The following IGHMBP2 variants were observed in gnomAD, a reference collection of about 807,000 sequenced individuals.
The protein encoded by IGHMBP2 is DNA-binding protein SMUBP-2.
A neutral mutation model predicts 96.0 loss-of-function variants in IGHMBP2; 81 were observed. That is an observed-to-expected ratio of 0.84 (90% CI 0.71 to 1.01). The LOEUF (loss-of-function observed/expected upper bound fraction) is 1.01, where lower values mean the gene tolerates loss of function less well. Ranked by LOEUF, IGHMBP2 falls within the 50% of genes least tolerant of loss-of-function variation. The pLI, the probability that IGHMBP2 is intolerant of heterozygous loss-of-function variation, is 0.00. For missense variants in IGHMBP2, 1,227 were observed against 1,306.3 expected (o/e 0.94, Z 0.94); for synonymous variants, 557 against 548.9 (o/e 1.01, Z -0.21).
intron 6 of IGHMBP2, among the ~76,000 whole-genome samples, chr11:68,915,489 G>GTT (rs896017029): frequency 2.8e-5 from 4 of 142,538 alleles, no homozygotes; most frequent in African/African-American, 2.6e-5. Flanking sequence ...CTTTGTTTTT[G>GTT]TTTTTTTTTT....
At chr11:68,936,099 G>A (rs915602370) in intron 12 of IGHMBP2, 138 bp from the exon 13 acceptor site, 25 of 951,306 alleles carry the variant, frequency 2.6e-5, no homozygotes, top group African/African-American at 4.8e-5. Flanking sequence ...GGTGCCACGC[G>A]TGGCCGGGCA....
At chr11:68,924,773 G>C (rs1859002065) in intron 7 of IGHMBP2, among the ~76,000 whole-genome samples, 1 of 152,166 alleles carries the variant, frequency 6.6e-6, no homozygotes, top group Non-Finnish European at 1.5e-5. Flanking sequence ...CAAGTCTCAG[G>C]CCCCACCCAC....
chr11:68,926,774 T>TATTG (rs1236345738), intron 7 of IGHMBP2, among the ~76,000 whole-genome samples: 2 of 152,276 alleles, frequency 1.3e-5, no homozygotes, highest in African/African-American at 4.8e-5. Context: ...TTTATTTATT[T>TATTG]AATTTTTTGG....
At chr11:68,909,599 T>C (rs1199626342) in intron 4 of IGHMBP2, among the ~76,000 whole-genome samples, 2 of 152,176 alleles carry the variant, frequency 1.3e-5, no homozygotes, top group Non-Finnish European at 2.9e-5. Flanking sequence ...TCATACTTTA[T>C]GCTTGATAGC....
chr11:68,937,820 G>C (rs1023441773), intron 13 of IGHMBP2: 1 of 275,810 alleles, frequency 3.6e-6, no homozygotes, highest in African/African-American at 2.2e-5. Flanking sequence ...CAGAGCCTGG[G>C]GCTCCAGAGG....
Position 68,929,340 on chromosome 11 carries a change from C to G in IGHMBP2, c.1218C>G (p.Pro406=), listed in dbSNP as rs1476873060. 6.2e-7 allele frequency: 1 copy of G among 1,613,430 alleles called. No individual in the cohort carries two copies. Residue 406 remains proline (P), a synonymous_variant, in exon 8 of 15, where the codon CCC becomes CCG. Coordinates refer to ENST00000255078, the MANE Select transcript of IGHMBP2 (RefSeq NM_002180.3). ...CGGGCGATCACAAGCAGCTGCCCCC[C>G]ACCACAGTCTCTCACAAGTAAGACC... ...ILAGDHKQLP[P]TTVSHKAALA...
At chr11:68,907,584 T>G (rs1298841759) in intron 2 of IGHMBP2, among the ~76,000 whole-genome samples, 1 of 152,180 alleles carries the variant, frequency 6.6e-6, no homozygotes, top group Non-Finnish European at 1.5e-5. Context: ...AGTTTTAAAT[T>G]TCATATTTTG....
chr11:68,933,390 C>G lies in IGHMBP2; in HGVS notation c.1327C>G (p.Arg443Gly). The change falls in exon 9 of 15, where the codon CGC becomes GGC. Residue 443 changes from arginine to glycine, a missense_variant. Arg to Gly is a moderately radical substitution (Grantham distance 125). Coordinates refer to ENST00000255078, the MANE Select transcript of IGHMBP2 (RefSeq NM_002180.3). ...GGTGCGGACACTGACGGTGCAGTAC[C>G]GCATGCACCAGGCTATCATGCGCTG... ...RVVRTLTVQY[R>G]MHQAIMRWAS... The G allele has an allele frequency of 6.2e-7, 1 of 1,612,928 alleles. No individual in the cohort carries two copies. The highest frequency in any genetic ancestry group is 8.5e-7 in the Non-Finnish European group (1 of 1,179,702).
In IGHMBP2 at chr11:68,937,030, C is replaced by T. The variant is rs764637193; in HGVS notation, c.2550C>T (p.Ser850=). 4 of 1,607,580 alleles carry T rather than the reference C, an allele frequency of 2.5e-6. No homozygotes were observed. The highest frequency in any genetic ancestry group is 3.4e-6 in the Non-Finnish European group (4 of 1,179,932). The part of the protein sequence containing the change: ...RVRSAQGQPA[S]KEQQASGQQK... The stretch of plus-strand genomic sequence containing the variant: ...GGAGCGCGCAGGGGCAGCCCGCCAG[C>T]AAGGAGCAGCAGGCCTCAGGGCAGC... The change falls in exon 13 of 15, where the codon AGC becomes AGT. Residue 850 remains serine, a synonymous_variant. Coordinates refer to ENST00000255078, the MANE Select transcript of IGHMBP2 (RefSeq NM_002180.3).
At chr11:68,914,753 G>T (rs1046855341) in intron 5 of IGHMBP2, 70 bp from the exon 6 acceptor site, 1 of 1,512,998 alleles carries the variant, frequency 6.6e-7, no homozygotes, top group Admixed American at 1.7e-5. Context: ...AAGGCTTTTT[G>T]TTGTTTTAGT....
Position 68,908,187 on chromosome 11 carries a change from A to AT in IGHMBP2, c.299_300insT (p.Gln100HisfsTer20), listed in dbSNP as rs774312316. 26 of 1,613,960 alleles carry AT rather than the reference A, an allele frequency of 1.6e-5. No homozygotes were observed. The South Asian group carries it at 2.9e-4, about 18-fold the overall frequency. On this transcript the variant is annotated frameshift_variant, in exon 3 of 15. Coordinates refer to ENST00000255078, the MANE Select transcript of IGHMBP2 (RefSeq NM_002180.3). LOFTEE classifies it high-confidence loss of function. The stretch of plus-strand genomic sequence containing the variant: ...TACGATGCTGCTAATGAGGGCAGTC[A>AT]GCTGGCCACTGGGATCTTGACCCGG...
At position 68,922,243 on chromosome 11, in the gene IGHMBP2, G is replaced by A. The variant is rs996555936; in HGVS notation, c.1060+4360G>A. On this transcript the variant is annotated intron_variant, in intron 7 of 14. Coordinates refer to ENST00000255078, the MANE Select transcript of IGHMBP2 (RefSeq NM_002180.3). Reference sequence around the variant, plus strand: ...TGAGGCAGGAGACTCGCTTGAACCCGGAGGCGGAGATTGCAGTGAGCTGAG... The same window carrying A: ...TGAGGCAGGAGACTCGCTTGAACCCAGAGGCGGAGATTGCAGTGAGCTGAG... 5.9e-5 allele frequency among the ~76,000 whole-genome samples: 9 copies of A among 151,592 alleles called. No homozygotes were observed. The South Asian group carries it at 8.5e-4, about 14-fold the overall frequency.
chr11:68,921,426 A>G (rs1858873314), intron 7 of IGHMBP2, among the ~76,000 whole-genome samples: 1 of 152,104 alleles, frequency 6.6e-6, no homozygotes, highest in Non-Finnish European at 1.5e-5. Flanking sequence ...CTTGTTAGCT[A>G]TATATCTGTA....
rs572742101 is a variant in IGHMBP2 at position 68,933,603 on chromosome 11, C to G, written c.1418+122C>G. 1.1e-5 allele frequency: 15 copies of G among 1,309,266 alleles called. No individual in the cohort carries two copies. In the Admixed American group the frequency reaches 2.6e-4, roughly 22 times the overall value. The allele number at this position is 1,309,266 out of a possible 1,614,324, so 81.1% of individuals were successfully genotyped here. On this transcript the variant is annotated intron_variant, in intron 9 of 14. Transcript: ENST00000255078. Reference sequence around the variant, plus strand: ...GCATGAAAGTCGACTCTGAGGCTAGCTTTTTGGAAGAGAGGGTGGCCTTGC... The same window carrying G: ...GCATGAAAGTCGACTCTGAGGCTAGGTTTTTGGAAGAGAGGGTGGCCTTGC...
At position 68,906,054 on chromosome 11, in the gene IGHMBP2, C is replaced by T; in HGVS notation, c.87-15C>T. ...TAGTAAAAATCCTGAAGCATCAATA[C>T]CGGGTGTCTTCCAGGTCCTGGCAGG... On this transcript the variant is annotated splice_polypyrimidine_tract_variant and intron_variant, in intron 1 of 14. Transcript: ENST00000255078. 1 of 1,613,308 alleles carries T rather than the reference C, an allele frequency of 6.2e-7. No homozygotes were observed. Among genetic ancestry groups the T allele is most frequent in the African/African-American group, 1.3e-5 (1 of 75,004 alleles).
chr11:68,917,107 A>C (rs1180869760), intron 6 of IGHMBP2, among the ~76,000 whole-genome samples: 1 of 149,068 alleles, frequency 6.7e-6, no homozygotes, highest in Non-Finnish European at 1.5e-5. Context: ...CAGCCTCCCG[A>C]GTAGCTGGGA....
intron 8 of IGHMBP2, chr11:68,932,226 T>A (rs1859340906): frequency 6.5e-6 from 1 of 152,694 alleles, no homozygotes; most frequent in Non-Finnish European, 1.5e-5. Flanking sequence ...GGACGTTGGG[T>A]GACGTTGCGC....
At position 68,933,279 on chromosome 11, in the gene IGHMBP2, T is replaced by G; in HGVS notation, c.1236-20T>G. On this transcript the variant is annotated intron_variant, in intron 8 of 14. Transcript: ENST00000255078. ...CTGGGGCTCAGGCCTGCCTTCCCCCTTTCTCCCTCCTGGGCGCAGGGCTGC... is the reference window on the plus strand; with the variant it reads ...CTGGGGCTCAGGCCTGCCTTCCCCCGTTCTCCCTCCTGGGCGCAGGGCTGC... The G allele has an allele frequency of 5.6e-6, 9 of 1,607,372 alleles. No homozygotes were observed. The highest frequency in any genetic ancestry group is 7.6e-6 in the Non-Finnish European group (9 of 1,177,718).
rs766477068 is a variant in IGHMBP2 at position 68,934,482 on chromosome 11, G to A, written c.1556G>A (p.Ser519Asn). Residue 519 changes from serine to asparagine, a missense_variant, in exon 11 of 15, where the codon AGT becomes AAT. Physicochemically the swap from Ser to Asn is conservative, Grantham distance 46. Coordinates refer to ENST00000255078, the MANE Select transcript of IGHMBP2 (RefSeq NM_002180.3). Reference protein sequence around the residue: ...KGNPGEVRLVSLHIQALVDAG... With the variant: ...KGNPGEVRLVNLHIQALVDAG... ...CCTCCAGGCGAAGTCCGCCTCGTCA[G>A]TTTGCACATCCAGGCTCTGGTGGAC... The A allele has an allele frequency of 3.7e-6, 6 of 1,611,506 alleles. No individual in the cohort carries two copies. The African/African-American group carries it at 6.7e-5, about 18-fold the overall frequency.
Sources: gnomAD v4.1 joint callset for allele counts (sites outside exome capture counted in the v4.1 genomes callset) on GRCh38, gnomAD v4.1.1 for gene constraint, MANE v1.5 for transcripts, NCBI Gene and HGNC (gene_info 2026-07-23, HGNC 2026-07-21) for gene names.